Variants in SECISBP2 observed in about 807,000 individuals in gnomAD.
SECISBP2 encodes the protein selenocysteine insertion sequence-binding protein 2.
In SECISBP2, 96 loss-of-function variants were observed where a neutral mutation model predicts 98.2. That is an observed-to-expected ratio of 0.98 (90% CI 0.83 to 1.16). The LOEUF is 1.16. SECISBP2 is among the 50% of genes most tolerant of loss of function. The pLI, the probability that SECISBP2 is intolerant of heterozygous loss-of-function variation, is 0.00. For synonymous variants in SECISBP2, 407 were observed against 370.2 expected, an observed-to-expected ratio of 1.10 and a Z score of -1.14; for missense variants, 1,046 against 1,022.9, an observed-to-expected ratio of 1.02 and a Z score of -0.31.
intron 7 of SECISBP2, among the ~76,000 whole-genome samples, chr9:89,336,031 TATAAG>T (rs1828614913): frequency 6.6e-6 from 1 of 151,552 alleles, no homozygotes; most frequent in African/African-American, 2.4e-5. Flanking sequence ...ATTTACTTGT[TATAAG>T]ATAGCATTCA....
At chr9:89,338,068 C>G (rs1320752072) in intron 7 of SECISBP2, among the ~76,000 whole-genome samples, 1 of 152,196 alleles carries the variant, frequency 6.6e-6, no homozygotes, top group Non-Finnish European at 1.5e-5. Context: ...AGGGGTGATT[C>G]TGCTCTGCAG....
rs1471448681 is a variant in SECISBP2, at chr9:89,319,753, T to C, written c.138T>C (p.Ser46=). 6.2e-7 allele frequency: 1 copy of C among 1,614,106 alleles called. No individual in the cohort carries two copies. The highest frequency in any genetic ancestry group is 8.5e-7 in the Non-Finnish European group (1 of 1,180,022). ...CAGAAGCATGTGTCTTCCCCAGCTC[T>C]GCAGCCACATACTATCCGTTTGTTC... ...ESSEACVFPS[S]AATYYPFVQE... The change falls in exon 2 of 17, where the codon TCT becomes TCC. Residue 46 remains serine, a synonymous_variant. Transcript: ENST00000375807.
At chr9:89,332,193 G>C (rs1827860923) in intron 5 of SECISBP2, among the ~76,000 whole-genome samples, 1 of 152,010 alleles carries the variant, frequency 6.6e-6, no homozygotes, top group South Asian at 2.1e-4. Flanking sequence ...GCAAAGTTGA[G>C]AGGAAAGTAC....
intron 14 of SECISBP2, among the ~76,000 whole-genome samples, chr9:89,354,485 G>T (rs1831762377): frequency 6.6e-6 from 1 of 152,194 alleles, no homozygotes; most frequent in Non-Finnish European, 1.5e-5. Flanking sequence ...TCTACCAGGG[G>T]TGCTCATTAG....
intron 14 of SECISBP2, chr9:89,354,856 G>A (rs546811398): frequency 5.4e-4 from 528 of 985,318 alleles, no homozygotes; most frequent in Non-Finnish European, 5.8e-4. Flanking sequence ...CTGATGTTAC[G>A]GGGGACTTCA....
chr9:89,332,950 G>C lies in SECISBP2; in HGVS notation c.844G>C (p.Ala282Pro), dbSNP rs1305283896. 1 of 1,613,938 alleles carries C rather than the reference G, an allele frequency of 6.2e-7. No homozygotes were observed. Among genetic ancestry groups the C allele is most frequent in the East Asian group, 2.2e-5 (1 of 44,830 alleles). The change falls in exon 6 of 17, where the codon GCT (alanine) becomes CCT (proline). Residue 282 changes from alanine to proline, a missense_variant. Transcript: ENST00000375807. ...VKNNPNESVT[A>P]NAATNSPSCT... The stretch of plus-strand genomic sequence containing the variant: ...AAATAACCCAAATGAATCTGTAACT[G>C]CTAATGCCGCTACCAATTCTCCTTC...
intron 2 of SECISBP2, chr9:89,322,333 T>C (rs1489423788): frequency 6.6e-6 from 1 of 152,274 alleles, no homozygotes; most frequent in Non-Finnish European, 1.5e-5. Flanking sequence ...TTCCAAGTAA[T>C]GTCCATTGTC....
intron 4 of SECISBP2, 21 bp from the exon 5 acceptor site, chr9:89,328,639 C>T (rs1827187649): frequency 1.9e-6 from 3 of 1,603,636 alleles, no homozygotes; most frequent in Admixed American, 1.7e-5. Flanking sequence ...TTTACTCTTA[C>T]TTTTAATTTT....
At chr9:89,344,690 A>G (rs1454173652) in intron 10 of SECISBP2, among the ~76,000 whole-genome samples, 5 of 152,054 alleles carry the variant, frequency 3.3e-5, no homozygotes, top group African/African-American at 1.2e-4. Flanking sequence ...TTTTAACTTT[A>G]GTTTGAAAAA....
intron 5 of SECISBP2, among the ~76,000 whole-genome samples, chr9:89,332,209 T>G (rs182372296): frequency 7.9e-5 from 12 of 152,150 alleles, no homozygotes; most frequent in Admixed American, 7.2e-4. Context: ...AGTACAGATT[T>G]CCCATATGCC....
intron 7 of SECISBP2, among the ~76,000 whole-genome samples, chr9:89,336,766 C>CTTTTTTTT (rs1167993596): frequency 1.3e-4 from 10 of 75,204 alleles, no homozygotes; most frequent in East Asian, 3.8e-4. Context: ...CTGTCTAATT[C>CTTTTTTTT]TTTTTTTTTT....
chr9:89,334,420 T>C (rs1828280051), intron 6 of SECISBP2, 102 bp from the exon 7 acceptor site: 2 of 973,754 alleles, frequency 2.1e-6, no homozygotes, highest in Non-Finnish European at 3.2e-6. Flanking sequence ...CTACATTTAA[T>C]GATGCTCTGA....
At chr9:89,354,724 A>T (rs1831804786) in intron 14 of SECISBP2, 2 of 975,496 alleles carry the variant, frequency 2.1e-6, no homozygotes, top group Non-Finnish European at 2.4e-6. Flanking sequence ...CAGCCTCGAG[A>T]GGACAGCAGC....
chr9:89,346,294 A>G (rs1830407974), intron 10 of SECISBP2, among the ~76,000 whole-genome samples: 1 of 152,252 alleles, frequency 6.6e-6, no homozygotes, highest in South Asian at 2.1e-4. Flanking sequence ...TAGTAATCAC[A>G]ATAATTTACT....
chr9:89,365,327 TCTCC>T, the SECISBP2 span: 1 of 152,198 alleles, frequency 6.6e-6, no homozygotes, highest in African/African-American at 2.4e-5. Context: ...GCTGCTTCTG[TCTCC>T]CTCAGGCACA....
At position 89,318,758 on chromosome 9, in the gene SECISBP2, G is replaced by T. The variant is rs558502062; in HGVS notation, c.36+146G>T. The T allele has an allele frequency of 1.2e-4, 144 of 1,233,792 alleles. 2 individuals carry two copies. In the South Asian group the frequency reaches 2.6e-3, roughly 22 times the overall value. 76.4% of individuals were successfully genotyped at this position (1,233,792 alleles called of 1,614,324 possible). On this transcript the variant is annotated intron_variant, in intron 1 of 16. Coordinates refer to ENST00000375807, the MANE Select transcript of SECISBP2 (RefSeq NM_024077.5). Reference sequence around the variant, plus strand: ...CGGGAGCGCCCTACCGGGTGGCCGCGATCTTCGCGCCCCGCCTCGGGTCCG... The same window carrying T: ...CGGGAGCGCCCTACCGGGTGGCCGCTATCTTCGCGCCCCGCCTCGGGTCCG...
intron 14 of SECISBP2, among the ~76,000 whole-genome samples, chr9:89,354,438 A>G (rs1301757550): frequency 6.6e-6 from 1 of 152,160 alleles, no homozygotes; most frequent in Non-Finnish European, 1.5e-5. Flanking sequence ...GACTCTTAAT[A>G]TCCCAGAGAC....
rs757083455 is a variant in SECISBP2, at chr9:89,328,873, C to T, written c.788C>T (p.Ala263Val). Residue 263 changes from alanine to valine, a missense_variant, in exon 5 of 17, where the codon GCA becomes GTA. Coordinates refer to ENST00000375807, the MANE Select transcript of SECISBP2 (RefSeq NM_024077.5). ...SLLREVVKPA[A>V]VLSKGEIVVK... is the part of the protein sequence containing the mutation. ...CTAAGAGAAGTAGTAAAACCAGCTG[C>T]AGTGTTATCAAAGGTGAGGTGAGGG... 3.1e-6 allele frequency: 5 copies of T among 1,613,372 alleles called. No homozygotes were observed. Among genetic ancestry groups the T allele is most frequent in the Non-Finnish European group, 4.2e-6 (5 of 1,179,306 alleles).
downstream of SECISBP2, chr9:89,362,254 G>T (rs993164358): frequency 7.3e-6 from 10 of 1,371,262 alleles, no homozygotes; most frequent in African/African-American, 1.4e-4. Context: ...TGCCCATCAG[G>T]TGGTGGCCCA....
Sources: gnomAD v4.1 joint callset for allele counts (sites outside exome capture counted in the v4.1 genomes callset) on GRCh38, gnomAD v4.1.1 for gene constraint, MANE v1.5 for transcripts, NCBI Gene and HGNC (gene_info 2026-07-23, HGNC 2026-07-21) for gene names.